The following APP variants were observed in gnomAD, a reference collection of about 807,000 sequenced individuals.
The protein encoded by APP is amyloid-beta precursor protein.
Under a neutral mutation model 101.4 loss-of-function variants are expected in APP, and 31 were observed. The observed-to-expected ratio is 0.31, with a 90% CI of 0.23 to 0.41. The LOEUF (loss-of-function observed/expected upper bound fraction) is 0.41, where lower values mean the gene tolerates loss of function less well. APP is among the 10% of genes least tolerant of loss of function. The probability of loss-of-function intolerance (pLI) is 1.00; values close to 1 mark genes in which losing one functional copy is unlikely to be tolerated. For synonymous variants in APP, 366 were observed against 364.4 expected (o/e 1.00, Z -0.05); for missense variants, 839 against 1,003.7 (o/e 0.84, Z 2.22).
At chr21:25,995,289 C>G (rs1388350997) in intron 8 of APP, among the ~76,000 whole-genome samples, 2 of 152,178 alleles carry the variant, frequency 1.3e-5, no homozygotes, top group Admixed American at 1.3e-4. Flanking sequence ...TTTACTGATG[C>G]GTGCTCTATT....
At chr21:26,056,634 A>G (rs540249506) in intron 3 of APP, among the ~76,000 whole-genome samples, 1 of 151,772 alleles carries the variant, frequency 6.6e-6, no homozygotes, top group South Asian at 2.1e-4. Context: ...TGGTTACTGA[A>G]CTTTCTAACT....
At chr21:25,993,146 T>C (rs1488023614) in intron 8 of APP, among the ~76,000 whole-genome samples, 2 of 152,298 alleles carry the variant, frequency 1.3e-5, no homozygotes, top group South Asian at 2.1e-4. Flanking sequence ...GGGGCCTGAC[T>C]TGTTAAGTTC....
chr21:25,903,392 AAAC>A (rs10567031), intron 15 of APP, among the ~76,000 whole-genome samples: 23,668 of 150,378 alleles, frequency 0.16, 2,385 homozygotes, highest in African/African-American at 0.27. Flanking sequence ...AAAAATCAAA[AAAC>A]AATTTTTTTA....
At chr21:26,124,593 C>T in intron 1 of APP, among the ~76,000 whole-genome samples, 1 of 152,192 alleles carries the variant, frequency 6.6e-6, no homozygotes, top group Non-Finnish European at 1.5e-5. Context: ...TGCTAAAAGC[C>T]TTCAGTAGCA....
chr21:26,116,278 A>G (rs1184479032), intron 1 of APP, among the ~76,000 whole-genome samples: 1 of 152,228 alleles, frequency 6.6e-6, no homozygotes, highest in Non-Finnish European at 1.5e-5. Flanking sequence ...TATTTTTGTT[A>G]CCAGAAAAAA....
intron 1 of APP, among the ~76,000 whole-genome samples, chr21:26,123,535 T>TTA (rs1392870002): frequency 1.3e-5 from 2 of 152,140 alleles, no homozygotes; most frequent in African/African-American, 4.8e-5. Context: ...CTTAAATAAC[T>TTA]TACACCAAAG....
At chr21:26,041,047 A>G (rs2045352906) in intron 5 of APP, among the ~76,000 whole-genome samples, 1 of 152,154 alleles carries the variant, frequency 6.6e-6, no homozygotes, top group Non-Finnish European at 1.5e-5. Flanking sequence ...CTCTACCTCT[A>G]CTCAAAGGAA....
At position 25,897,144 on chromosome 21, in the gene APP, T is replaced by G. The variant is rs904579251; in HGVS notation, c.2064+429A>C. On this transcript the variant is annotated intron_variant, in intron 16 of 17. Transcript: ENST00000346798. Reference sequence around the variant, plus strand: ...GCCTCTTTCTTTTCTTTTTTTTTTTTGGGATGGAGTCTCGCTCTGTCGCCT... The same window carrying G: ...GCCTCTTTCTTTTCTTTTTTTTTTTGGGGATGGAGTCTCGCTCTGTCGCCT... 2.6e-3 allele frequency among the ~76,000 whole-genome samples: 398 copies of G among 152,020 alleles called. 1 individual carries two copies. The highest frequency in any genetic ancestry group is 9.0e-3 in the African/African-American group (372 of 41,492).
chr21:26,087,353 C>T (rs1053721975), intron 3 of APP, among the ~76,000 whole-genome samples: 3 of 152,182 alleles, frequency 2.0e-5, no homozygotes, highest in African/African-American at 7.2e-5. Context: ...TAAAATGATT[C>T]AACACGCCAA....
chr21:26,092,341 A>G (rs1358133722), intron 2 of APP, among the ~76,000 whole-genome samples: 1 of 152,212 alleles, frequency 6.6e-6, no homozygotes, highest in Non-Finnish European at 1.5e-5. Flanking sequence ...CAACACTAAA[A>G]GGAAATGGGC....
chr21:25,897,519 T>C (rs773251566), intron 16 of APP, 54 bp downstream of exon 16: 21 of 1,311,178 alleles, frequency 1.6e-5, no homozygotes, highest in South Asian at 2.4e-5. Flanking sequence ...CCAGAGTTAA[T>C]AGGTCATTTG....
In APP at chr21:26,057,972, C is replaced by T. The variant is rs562902172; in HGVS notation, c.356-4624G>A. Among the ~76,000 whole-genome samples, 8 of 152,238 alleles carry T rather than the reference C, an allele frequency of 5.3e-5. No individual in the cohort carries two copies. In the South Asian group the frequency reaches 8.3e-4, roughly 16 times the overall value. On this transcript the variant is annotated intron_variant, in intron 3 of 17. Coordinates refer to ENST00000346798, the MANE Select transcript of APP (RefSeq NM_000484.4). ...ATAGAACAGCTGGGAATGCAGTCAGCGGCAGAGAATAGACCACATGTCAAA... is the reference window on the plus strand; with the variant it reads ...ATAGAACAGCTGGGAATGCAGTCAGTGGCAGAGAATAGACCACATGTCAAA...
At chr21:25,907,847 T>G (rs1306021080) in intron 14 of APP, among the ~76,000 whole-genome samples, 3 of 152,262 alleles carry the variant, frequency 2.0e-5, no homozygotes, top group Non-Finnish European at 4.4e-5. Flanking sequence ...AAATATTTAT[T>G]TAATCTAAAT....
At chr21:26,029,899 T>C (rs893730941) in intron 5 of APP, among the ~76,000 whole-genome samples, 18 of 152,132 alleles carry the variant, frequency 1.2e-4, no homozygotes, top group Non-Finnish European at 1.5e-5. Context: ...AACCAACTTC[T>C]CTCAACACAT....
At chr21:26,170,024 G>A (rs1034675600) in intron 1 of APP, among the ~76,000 whole-genome samples, 1 of 152,172 alleles carries the variant, frequency 6.6e-6, no homozygotes, top group Non-Finnish European at 1.5e-5. Flanking sequence ...GGGGATGGGG[G>A]TGAGAGAGGA....
rs563640504 is a variant in APP at position 25,900,039 on chromosome 21, ATTG to A, written c.1964-2369_1964-2367del. Among the ~76,000 whole-genome samples, 418 of 152,228 alleles carry A rather than the reference ATTG, an allele frequency of 2.7e-3. 2 individuals carry two copies. Among genetic ancestry groups the A allele is most frequent in the African/African-American group, 9.4e-3 (390 of 41,516 alleles). Reference sequence around the variant, plus strand: ...TTCTTATTTATTTTCTTACTTTAATATTGTTAAGTATTTTTTGGTTAAGTTTCA... The same window carrying A: ...TTCTTATTTATTTTCTTACTTTAATATTAAGTATTTTTTGGTTAAGTTTCA... On this transcript the variant is annotated intron_variant, in intron 15 of 17. Coordinates refer to ENST00000346798, the MANE Select transcript of APP (RefSeq NM_000484.4).
Position 25,881,745 on chromosome 21 carries a change from C to A in APP, c.2238G>T (p.Glu746Asp). 5 of 1,613,858 alleles carry A rather than the reference C, an allele frequency of 3.1e-6. No homozygotes were observed. Among genetic ancestry groups the A allele is most frequent in the Non-Finnish European group, 4.2e-6 (5 of 1,180,036 alleles). Residue 746 changes from glutamate to aspartate, a missense_variant, in exon 18 of 18, where the codon GAG (glutamate) becomes GAT (aspartate). Glu to Asp is a conservative substitution (Grantham distance 45). Coordinates refer to ENST00000346798, the MANE Select transcript of APP (RefSeq NM_000484.4). ...VEVDAAVTPE[E>D]RHLSKMQQNG... ...TCTGCTGCATCTTGGACAGGTGGCG[C>A]TCCTCTGGGGTGACAGCGGCGTCAA... is the stretch of plus-strand genomic sequence containing the variant.
intron 5 of APP, among the ~76,000 whole-genome samples, chr21:26,029,327 T>G (rs1403481479): frequency 6.7e-6 from 1 of 148,656 alleles, no homozygotes; most frequent in African/African-American, 2.5e-5. Flanking sequence ...GAGCTAGGGG[T>G]ACACTGGAAA....
intron 1 of APP, among the ~76,000 whole-genome samples, chr21:26,157,436 G>GTAAAACCAACAGCAGAAA (rs2146364141): frequency 6.6e-6 from 1 of 152,276 alleles, no homozygotes; most frequent in South Asian, 2.1e-4. Flanking sequence ...ACAGCAGAAA[G>GTAAAACCAACAGCAGAAA]TAAAACCAAG....
Sources: gnomAD v4.1 joint callset for allele counts (sites outside exome capture counted in the v4.1 genomes callset) on GRCh38, gnomAD v4.1.1 for gene constraint, MANE v1.5 for transcripts, NCBI Gene and HGNC (gene_info 2026-07-23, HGNC 2026-07-21) for gene names.